NOTCH2NLB: variants seen among roughly 807,000 people sequenced by gnomAD.
NOTCH2NLB encodes notch 2 N-terminal like B.
Under a neutral mutation model 14.8 loss-of-function variants are expected in NOTCH2NLB, and 1 was observed. That is an observed-to-expected ratio of 0.07 (90% confidence interval 0.02 to 0.32). NOTCH2NLB has a LOEUF of 0.32. NOTCH2NLB is among the 10% of genes least tolerant of loss of function. The pLI is 1.00. For synonymous variants in NOTCH2NLB, 6 were observed against 57.5 expected (o/e 0.10, Z 4.05); for missense variants, 11 against 155.0 (o/e 0.07, Z 4.93).
intron 1 of NOTCH2NLB, among the ~76,000 whole-genome samples, 196 bp downstream of exon 1, chr1:148,679,266 A>C (rs1262289336): frequency 1.3e-4 from 4 of 30,318 alleles, no homozygotes; most frequent in African/African-American, 5.1e-4. Flanking sequence ...GTTGGCGGGG[A>C]ACCCCGGCGG....
At chr1:148,649,661 C>T (rs1269682640) in intron 1 of NOTCH2NLB, among the ~76,000 whole-genome samples, 4 of 151,770 alleles carry the variant, frequency 2.6e-5, no homozygotes, top group Non-Finnish European at 4.4e-5. Context: ...TAGGTGCCCG[C>T]CACCACAACC....
rs1330652320 is a variant in NOTCH2NLB, at chr1:148,679,532, C to T, written c.-68G>A. The stretch of plus-strand genomic sequence containing the variant: ...ACAGCAGAGCGGGGCGCAGGGCGGG[C>T]ATCTTCTCGGTCGCCTCCTCCGCCG... On this transcript the variant is annotated 5_prime_UTR_variant, in exon 1 of 5. It removes an upstream start codon present in the reference 5' UTR. Transcript: ENST00000593495. The T allele has an allele frequency of 2.6e-3, 2,983 of 1,132,536 alleles. 742 individuals carry two copies. The East Asian group carries it at 0.1, about 40-fold the overall frequency. The allele number at this position is 1,132,536 out of a possible 1,614,324, so 70.2% of individuals were successfully genotyped here. A position where few individuals can be genotyped will look rare whatever the true frequency, so the allele number is the denominator to read the frequency against.
intron 2 of NOTCH2NLB, among the ~76,000 whole-genome samples, chr1:148,625,421 A>G (rs1186889380): frequency 2.1e-5 from 2 of 95,402 alleles, no homozygotes; most frequent in African/African-American, 5.0e-5. Flanking sequence ...ATCCCACCAC[A>G]TACAAGAAGA....
At chr1:148,613,440 G>A (rs1663753451) in intron 3 of NOTCH2NLB, among the ~76,000 whole-genome samples, 1 of 149,814 alleles carries the variant, frequency 6.7e-6, no homozygotes, top group Non-Finnish European at 1.5e-5. Flanking sequence ...GAGTCAGTGG[G>A]CTGGGGAAGG....
intron 2 of NOTCH2NLB, among the ~76,000 whole-genome samples, chr1:148,622,855 T>C (rs1300260233): frequency 1.2e-5 from 1 of 84,402 alleles, no homozygotes; most frequent in Non-Finnish European, 2.0e-5. Context: ...ATTGGAACTA[T>C]CATTCATTCC....
chr1:148,688,059 AAAAAC>A, the NOTCH2NLB span, among the ~76,000 whole-genome samples: 2 of 133,664 alleles, frequency 1.5e-5, no homozygotes, highest in African/African-American at 6.0e-5. Context: ...TGTCTCAAGA[AAAAAC>A]AAAAATTAAA....
In NOTCH2NLB at chr1:148,637,660, G is replaced by A. The variant is rs1221997346; in HGVS notation, c.77+2356C>T. ...TTCATAGGTATACATGTGCCATGGT[G>A]GTTTGCTGCACCTATCAACCCGTCA... On this transcript the variant is annotated intron_variant, in intron 2 of 4. Transcript: ENST00000593495. 4.1e-5 allele frequency among the ~76,000 whole-genome samples: 6 copies of A among 144,770 alleles called. No homozygotes were observed. In the East Asian group the frequency reaches 7.8e-4, roughly 19 times the overall value. The allele number at this position is 144,770 out of a possible 152,430, so 95.0% of individuals were successfully genotyped here.
At chr1:148,698,266 C>CAAAA in the NOTCH2NLB span, among the ~76,000 whole-genome samples, 1 of 64,378 alleles carries the variant, frequency 1.6e-5, no homozygotes, top group African/African-American at 5.4e-5. Context: ...AACAAACAAA[C>CAAAA]AAAAACAAAA....
downstream of NOTCH2NLB, among the ~76,000 whole-genome samples, chr1:148,605,308 C>T (rs1292183158): frequency 7.2e-6 from 1 of 139,058 alleles, no homozygotes; most frequent in Non-Finnish European, 1.6e-5. Context: ...ATACCTGGTC[C>T]CAAGATTTTT....
the NOTCH2NLB span, among the ~76,000 whole-genome samples, chr1:148,703,134 CA>C: frequency 5.2e-5 from 1 of 19,322 alleles, no homozygotes; most frequent in Non-Finnish European, 1.0e-4. Context: ...AAAAAAAATA[CA>C]AAAAATTAGC....
At chr1:148,670,553 CAT>C (rs1311446628) in intron 1 of NOTCH2NLB, among the ~76,000 whole-genome samples, 2,035 of 104,200 alleles carry the variant, frequency 0.02, 78 homozygotes, top group Middle Eastern at 0.079. Context: ...TATATATATA[CAT>C]ATATATATAT....
At chr1:148,686,710 A>ATTCT in the NOTCH2NLB span, among the ~76,000 whole-genome samples, 3 of 116,604 alleles carry the variant, frequency 2.6e-5, no homozygotes, top group African/African-American at 8.3e-5. Context: ...TGAAGTTAGA[A>ATTCT]GACAACCTTT....
At chr1:148,637,185 C>T (rs1453901529) in intron 2 of NOTCH2NLB, among the ~76,000 whole-genome samples, 1 of 145,060 alleles carries the variant, frequency 6.9e-6, no homozygotes, top group Non-Finnish European at 1.5e-5. Flanking sequence ...TCTCCTGCCT[C>T]AGCCTCCTGA....
chr1:148,625,264 T>C (rs1663954661), intron 2 of NOTCH2NLB, among the ~76,000 whole-genome samples: 1 of 55,496 alleles, frequency 1.8e-5, no homozygotes, highest in Non-Finnish European at 3.1e-5. Context: ...TCCCCTTGTT[T>C]TCTCCACCGA....
chr1:148,654,670 G>GATC lies in NOTCH2NLB; in HGVS notation c.4-14584_4-14582dup, dbSNP rs1664517607. Among the ~76,000 whole-genome samples the GATC allele has an allele frequency of 2.3e-5, 2 of 88,204 alleles. 1 individual carries two copies. Among genetic ancestry groups the GATC allele is most frequent in the South Asian group, 1.0e-3 (2 of 1,970 alleles). The allele number at this position is 88,204 out of a possible 152,430, so 57.9% of individuals were successfully genotyped here. ...TAGAAAATAATGACATATTAAAAAA[G>GATC]ATCACTCCTCTGTTTTCCTTATGGC... is the stretch of plus-strand genomic sequence containing the variant. On this transcript the variant is annotated intron_variant, in intron 1 of 4. Transcript: ENST00000593495.
chr1:148,651,229 C>T (rs1411270431), intron 1 of NOTCH2NLB, among the ~76,000 whole-genome samples: 22 of 100,786 alleles, frequency 2.2e-4, no homozygotes, highest in African/African-American at 8.4e-4. Flanking sequence ...TTTATTCTCC[C>T]TTGCTTTGTT....
chr1:148,675,146 G>T (rs1368243163), intron 1 of NOTCH2NLB, among the ~76,000 whole-genome samples: 1 of 74,664 alleles, frequency 1.3e-5, no homozygotes, highest in Non-Finnish European at 3.0e-5. Flanking sequence ...GAGGCAGGGG[G>T]TGGATGGCAG....
At chr1:148,704,088 A>AG in the NOTCH2NLB span, among the ~76,000 whole-genome samples, 2 of 2,748 alleles carry the variant, frequency 7.3e-4, no homozygotes, top group East Asian at 0.015. Flanking sequence ...TCTGTCTCAA[A>AG]AGAGAGAGAG....
rs1374847573 is a variant in NOTCH2NLB at position 148,633,410 on chromosome 1, G to A, written c.77+6606C>T. ...CTACTAAAAATACAAAAAATTAGCC[G>A]GGCGTGGTGGCGGGCGCTTGTAGTC... On this transcript the variant is annotated intron_variant, in intron 2 of 4. Coordinates refer to ENST00000593495, the Ensembl canonical transcript of NOTCH2NLB. 6.8e-5 allele frequency among the ~76,000 whole-genome samples: 6 copies of A among 87,732 alleles called. 1 individual carries two copies. The highest frequency in any genetic ancestry group is 1.0e-3 in the East Asian group (2 of 1,940). 57.6% of individuals were successfully genotyped at this position (87,732 alleles called of 152,430 possible).
Sources: allele counts gnomAD v4.1 joint callset (sites outside exome capture counted in the v4.1 genomes callset), GRCh38; gene constraint gnomAD v4.1.1; transcripts MANE v1.5; gene names NCBI Gene and HGNC (gene_info 2026-07-23, HGNC 2026-07-21).